JAK2: variants seen among roughly 807,000 people sequenced by gnomAD.
JAK2 encodes the protein tyrosine-protein kinase JAK2.
Under a neutral mutation model 139.3 loss-of-function variants are expected in JAK2, and 86 were observed. That is an observed-to-expected ratio of 0.62 (90% CI 0.52 to 0.74). JAK2 has a LOEUF of 0.74. Among genes scored for constraint, JAK2 ranks in the 30% least tolerant of loss-of-function variants. The pLI is 0.00. For synonymous variants in JAK2, 490 were observed against 437.7 expected (o/e 1.12, Z -1.49); for missense variants, 1,421 against 1,360.3 (o/e 1.04, Z -0.70).
chr9:5,042,218 A>G (rs1816627177), intron 4 of JAK2, among the ~76,000 whole-genome samples: 1 of 149,514 alleles, frequency 6.7e-6, no homozygotes, highest in Admixed American at 6.7e-5. Flanking sequence ...GCTCACTGCA[A>G]GCTCCGCCTC....
Position 5,006,746 on chromosome 9 carries a change from C to T in JAK2, c.-25-15217C>T, listed in dbSNP as rs78785334. Among the ~76,000 whole-genome samples, 583 of 152,310 alleles carry T rather than the reference C, an allele frequency of 3.8e-3. 6 individuals carry two copies. The highest frequency in any genetic ancestry group is 0.014 in the African/African-American group (567 of 41,576). On this transcript the variant is annotated intron_variant, in intron 2 of 24. Coordinates refer to ENST00000381652, the MANE Select transcript of JAK2 (RefSeq NM_004972.4). ...GTAAATCCATCCCATGACCCAGTCA[C>T]CTCTCACCAGGCCACTCCTCTAACA...
chr9:5,112,832 C>A, intron 22 of JAK2: 1 of 560,352 alleles, frequency 1.8e-6, no homozygotes, highest in Non-Finnish European at 2.8e-6. Flanking sequence ...AGCCCACAAC[C>A]CCGCTGGGCA....
intron 4 of JAK2, chr9:5,041,692 G>A: frequency 2.0e-6 from 1 of 506,940 alleles, no homozygotes; most frequent in Non-Finnish European, 4.0e-6. Context: ...GACCGAAGCG[G>A]CTTCGTGTTC....
intron 14 of JAK2, among the ~76,000 whole-genome samples, chr9:5,076,691 C>A (rs12340895): frequency 4.6e-5 from 7 of 151,954 alleles, no homozygotes; most frequent in East Asian, 3.9e-4. Flanking sequence ...ATTTTAGTGC[C>A]TCACAAAGTT....
At chr9:5,007,136 TAC>T (rs1821356942) in intron 2 of JAK2, among the ~76,000 whole-genome samples, 1 of 152,148 alleles carries the variant, frequency 6.6e-6, no homozygotes, top group South Asian at 2.1e-4. Flanking sequence ...TGCTCTTAAG[TAC>T]TTTCATTTTT....
At chr9:5,109,911 A>G (rs1410292022) in intron 22 of JAK2, 1 of 152,202 alleles carries the variant, frequency 6.6e-6, no homozygotes, top group Non-Finnish European at 1.5e-5. Context: ...TATAGGAATC[A>G]TGTCTTTCTT....
chr9:5,010,696 G>A (rs1332685349), intron 2 of JAK2, among the ~76,000 whole-genome samples: 1 of 152,066 alleles, frequency 6.6e-6, no homozygotes, highest in Non-Finnish European at 1.5e-5. Context: ...CTATTTTTGA[G>A]CTCTTCATTC....
chr9:5,092,989 A>C (rs1050547021), intron 22 of JAK2, among the ~76,000 whole-genome samples: 3 of 152,230 alleles, frequency 2.0e-5, no homozygotes, highest in East Asian at 1.9e-4. Flanking sequence ...CAATTAAGAA[A>C]GTGTTCAAGC....
intron 10 of JAK2, 76 bp from the exon 11 acceptor site, chr9:5,068,946 T>C: frequency 1.3e-6 from 1 of 795,126 alleles, no homozygotes; most frequent in Non-Finnish European, 2.0e-6. Context: ...GTTCTTGTGA[T>C]ATCATTTTGT....
chr9:5,023,893 GA>G (rs1822601362), intron 3 of JAK2, among the ~76,000 whole-genome samples: 1 of 149,570 alleles, frequency 6.7e-6, no homozygotes, highest in Admixed American at 6.7e-5. Context: ...TAGCTTGTAA[GA>G]TTTTTTTAGC....
intron 3 of JAK2, among the ~76,000 whole-genome samples, chr9:5,026,709 TTG>T (rs1465495630): frequency 1.3e-5 from 2 of 152,166 alleles, no homozygotes; most frequent in South Asian, 4.1e-4. Flanking sequence ...GTGTTTGTGC[TTG>T]TGTGTGTACG....
intron 5 of JAK2, 69 bp from the exon 6 acceptor site, chr9:5,050,617 T>C (rs911078317): frequency 3.6e-5 from 52 of 1,442,348 alleles, no homozygotes; most frequent in Non-Finnish European, 2.4e-5. Context: ...ATGATTAAAA[T>C]ATAATCATAG....
intron 4 of JAK2, chr9:5,041,329 G>C (rs2130285795): frequency 1.4e-6 from 1 of 709,942 alleles, no homozygotes. Context: ...GCCAGCACAA[G>C]AGCTTGACAG....
intron 3 of JAK2, among the ~76,000 whole-genome samples, chr9:5,022,877 C>T (rs546452002): frequency 6.6e-6 from 1 of 151,982 alleles, no homozygotes; most frequent in Admixed American, 6.6e-5. Context: ...GAAGAATAGT[C>T]GTATGATTTT....
chr9:5,030,435 G>A (rs1003898578), intron 4 of JAK2, among the ~76,000 whole-genome samples: 5 of 151,970 alleles, frequency 3.3e-5, no homozygotes, highest in African/African-American at 4.8e-5. Context: ...ACAAAGATAC[G>A]TTTGATTTGT....
At chr9:5,090,668 A>G in intron 21 of JAK2, 71 bp from the exon 22 acceptor site, 1 of 1,523,750 alleles carries the variant, frequency 6.6e-7, no homozygotes, top group Non-Finnish European at 8.8e-7. Context: ...TAAAGGGAAT[A>G]TATAGGGTTA....
At chr9:5,095,766 C>T (rs1264714026) in intron 22 of JAK2, among the ~76,000 whole-genome samples, 2 of 152,170 alleles carry the variant, frequency 1.3e-5, no homozygotes, top group Admixed American at 6.5e-5. Flanking sequence ...TCTTAACCTA[C>T]TCCTCAATTA....
chr9:5,128,543 G>C lies in JAK2; in HGVS notation c.*1752G>C, dbSNP rs1265047234. 4.6e-5 allele frequency among the ~76,000 whole-genome samples: 7 copies of C among 151,728 alleles called. No individual in the cohort carries two copies. Among genetic ancestry groups the C allele is most frequent in the Non-Finnish European group, 1.5e-5 (1 of 67,734 alleles). Reference sequence around the variant, plus strand: ...AAACTTAACTACATACTTAAAAGTAGGTTCTTATCAAGGGTCTCTAACATT... The same window carrying C: ...AAACTTAACTACATACTTAAAAGTACGTTCTTATCAAGGGTCTCTAACATT... On this transcript the variant is annotated 3_prime_UTR_variant, in exon 25 of 25. Transcript: ENST00000381652.
chr9:5,051,065 T>C (rs1198843425), intron 6 of JAK2, among the ~76,000 whole-genome samples: 1 of 152,200 alleles, frequency 6.6e-6, no homozygotes, highest in Non-Finnish European at 1.5e-5. Context: ...TAATGAGCAT[T>C]TCCTTTGAAC....
Sources: allele counts gnomAD v4.1 joint callset (sites outside exome capture counted in the v4.1 genomes callset), GRCh38; gene constraint gnomAD v4.1.1; transcripts MANE v1.5; gene names NCBI Gene and HGNC (gene_info 2026-07-23, HGNC 2026-07-21).